VPS39: variants seen among roughly 807,000 people sequenced by gnomAD.
VPS39 encodes the protein VPS39 subunit of HOPS complex.
In VPS39, 70 loss-of-function variants were observed where a neutral mutation model predicts 121.0. That is an observed-to-expected ratio of 0.58 (90% CI 0.48 to 0.71). VPS39 has a LOEUF of 0.71. Ranked by LOEUF, VPS39 falls within the 30% of genes least tolerant of loss-of-function variation. The probability of loss-of-function intolerance (pLI) is 0.00; values close to 1 mark genes in which losing one functional copy is unlikely to be tolerated. For synonymous variants in VPS39, 378 were observed against 398.1 expected, an observed-to-expected ratio of 0.95 and a Z score of 0.60; for missense variants, 818 against 1,051.5, an observed-to-expected ratio of 0.78 and a Z score of 3.07.
rs2050116270 is a variant in VPS39, at chr15:42,203,830, T to A, written c.74-3869A>T. On this transcript the variant is annotated intron_variant, in intron 1 of 24. Transcript: ENST00000318006. ...ACACGTTATTTAACAAAGCTGTGCATGCACAACACAGAGGATGACAAGCCT... is the reference window on the plus strand; with the variant it reads ...ACACGTTATTTAACAAAGCTGTGCAAGCACAACACAGAGGATGACAAGCCT... Among the ~76,000 whole-genome samples the A allele has an allele frequency of 4.6e-5, 7 of 152,302 alleles. No individual in the cohort carries two copies. In the South Asian group the frequency reaches 1.5e-3, roughly 32 times the overall value.
At chr15:42,190,518 G>A (rs971304015) in intron 4 of VPS39, among the ~76,000 whole-genome samples, 7 of 152,268 alleles carry the variant, frequency 4.6e-5, no homozygotes, top group African/African-American at 1.2e-4. Flanking sequence ...CCTCAACAGT[G>A]TAGCCCTGCT....
At chr15:42,175,085 A>G (rs184769466) in intron 10 of VPS39, among the ~76,000 whole-genome samples, 1 of 152,220 alleles carries the variant, frequency 6.6e-6, no homozygotes, top group Admixed American at 6.5e-5. Context: ...AGGCTTTAAA[A>G]TGGCAGAGAG....
In VPS39 at chr15:42,169,766, T is replaced by C. The variant is rs752978362; in HGVS notation, c.1191A>G (p.Glu397=). Residue 397 remains glutamate (E), a synonymous_variant, in exon 12 of 25, where the codon GAA becomes GAG. Coordinates refer to ENST00000318006, the MANE Select transcript of VPS39 (RefSeq NM_015289.5). ...TCAGAGCTAAGTGAGCCTTCTCCAA[T>C]TCAGCCCCGGAGAGCACAGGCAATG... ...PNPLPVLSGA[E]LEKAHLALID... 5 of 1,614,124 alleles carry C rather than the reference T, an allele frequency of 3.1e-6. No homozygotes were observed. The highest frequency in any genetic ancestry group is 4.2e-6 in the Non-Finnish European group (5 of 1,180,024).
intron 2 of VPS39, among the ~76,000 whole-genome samples, chr15:42,197,602 T>C (rs886416076): frequency 1.3e-5 from 2 of 152,144 alleles, no homozygotes; most frequent in Non-Finnish European, 2.9e-5. Flanking sequence ...TGAGGAATGT[T>C]TATACTCATA....
At chr15:42,203,761 T>C (rs2050115248) in intron 1 of VPS39, among the ~76,000 whole-genome samples, 1 of 152,258 alleles carries the variant, frequency 6.6e-6, no homozygotes, top group African/African-American at 2.4e-5. Flanking sequence ...ACATGTGCCA[T>C]TAGCCAGAGG....
chr15:42,182,081 C>T (rs768528872), intron 8 of VPS39, among the ~76,000 whole-genome samples: 2 of 152,108 alleles, frequency 1.3e-5, no homozygotes, highest in Admixed American at 6.5e-5. Flanking sequence ...ATGAATAGTA[C>T]AATAAAATTT....
intron 2 of VPS39, among the ~76,000 whole-genome samples, chr15:42,195,300 C>T (rs1190055671): frequency 1.3e-5 from 2 of 152,138 alleles, no homozygotes; most frequent in Admixed American, 1.3e-4. Context: ...ATTAACTGGG[C>T]ATGATGGCAC....
At position 42,162,315 on chromosome 15, in the gene VPS39, T is replaced by C. The variant is rs2049145193; in HGVS notation, c.2325+17A>G. The C allele has an allele frequency of 6.2e-7, 1 of 1,603,770 alleles. No homozygotes were observed. The highest frequency in any genetic ancestry group is 1.3e-5 in the African/African-American group (1 of 74,850). ...TCCCTGCAAACACCCTCCATCTCCC[T>C]AGGAACAACTCCTGACCTTGGTGGT... On this transcript the variant is annotated intron_variant, in intron 22 of 24. Transcript: ENST00000318006.
Position 42,160,490 on chromosome 15 carries a change from C to T in VPS39, c.*264G>A. 1 of 472,720 alleles carries T rather than the reference C, an allele frequency of 2.1e-6. No individual in the cohort carries two copies. Among genetic ancestry groups the T allele is most frequent in the Non-Finnish European group, 3.9e-6 (1 of 258,992 alleles). The allele number at this position is 472,720 out of a possible 1,614,324, so 29.3% of individuals were successfully genotyped here. A position where few individuals can be genotyped will look rare whatever the true frequency, so the allele number is the denominator to read the frequency against. Reference sequence around the variant, plus strand: ...GCAAAGGCAAGATGGTGCACATCCTCCTGACCAAGCAGGTACTGAATTCTC... The same window carrying T: ...GCAAAGGCAAGATGGTGCACATCCTTCTGACCAAGCAGGTACTGAATTCTC... On this transcript the variant is annotated 3_prime_UTR_variant, in exon 25 of 25. Transcript: ENST00000318006.
At chr15:42,201,687 C>T (rs561253849) in intron 1 of VPS39, among the ~76,000 whole-genome samples, 1 of 152,268 alleles carries the variant, frequency 6.6e-6, no homozygotes, top group South Asian at 2.1e-4. Flanking sequence ...TTGGGAGGCA[C>T]TGGTCTAGGT....
intron 21 of VPS39, 118 bp from the exon 22 acceptor site, chr15:42,162,599 G>C (rs762646211): frequency 1.3e-5 from 16 of 1,187,946 alleles, no homozygotes; most frequent in Non-Finnish European, 1.8e-5. Context: ...CACTGAGCAT[G>C]TAAAACTGGT....
chr15:42,198,623 G>A (rs1380983143), intron 2 of VPS39, among the ~76,000 whole-genome samples: 1 of 152,162 alleles, frequency 6.6e-6, no homozygotes, highest in Non-Finnish European at 1.5e-5. Flanking sequence ...TTATAGGCAT[G>A]AGCCACTTCA....
At chr15:42,203,985 C>G (rs151063165) in intron 1 of VPS39, among the ~76,000 whole-genome samples, 6 of 152,370 alleles carry the variant, frequency 3.9e-5, no homozygotes, top group African/African-American at 1.4e-4. Flanking sequence ...CCCTAAAAAA[C>G]TCCTGACGGC....
chr15:42,164,296 G>T, intron 19 of VPS39, 62 bp downstream of exon 19: 1 of 1,596,678 alleles, frequency 6.3e-7, no homozygotes, highest in East Asian at 2.2e-5. Context: ...CAATTAAAGG[G>T]GTGGATTAGT....
At chr15:42,199,516 T>A in intron 2 of VPS39, 1 of 442,552 alleles carries the variant, frequency 2.3e-6, no homozygotes, top group Non-Finnish European at 4.6e-6. Flanking sequence ...AAATCGATGT[T>A]GCCTAATTTT....
In VPS39 at chr15:42,166,679, G is replaced by A. The variant is rs761759401; in HGVS notation, c.1520-30C>T. On this transcript the variant is annotated intron_variant, in intron 14 of 24. Coordinates refer to ENST00000318006, the MANE Select transcript of VPS39 (RefSeq NM_015289.5). ...CCACCAAGCCCAAGAACAAGGTCAT[G>A]AGCCTTTTCCCCACGGGAGATTTCC... 3.7e-5 allele frequency: 59 copies of A among 1,614,094 alleles called. 1 individual carries two copies. The highest frequency in any genetic ancestry group is 5.0e-5 in the Non-Finnish European group (59 of 1,180,038).
chr15:42,201,559 A>G (rs2050069862), intron 1 of VPS39, among the ~76,000 whole-genome samples: 2 of 152,240 alleles, frequency 1.3e-5, no homozygotes, highest in Non-Finnish European at 2.9e-5. Flanking sequence ...GTTAAAATAC[A>G]GAATGCTAGG....
chr15:42,190,987 C>T, intron 4 of VPS39, 138 bp downstream of exon 4: 2 of 899,500 alleles, frequency 2.2e-6, no homozygotes, highest in Non-Finnish European at 3.5e-6. Flanking sequence ...CCTTTATTAA[C>T]CATGTACCCT....
rs755621049 is a variant in VPS39 at position 42,161,569 on chromosome 15, C to T, written c.2552+113G>A. 1.5e-5 allele frequency: 16 copies of T among 1,095,454 alleles called. No individual in the cohort carries two copies. The African/African-American group carries it at 2.5e-4, about 17-fold the overall frequency. 67.9% of individuals were successfully genotyped at this position (1,095,454 alleles called of 1,614,324 possible). A position where few individuals can be genotyped will look rare whatever the true frequency, so the allele number is the denominator to read the frequency against. Reference sequence around the variant, plus strand: ...CAAGAACTAAAAGTTGTCAGGACAGCCAGCAGCCATGTTCTCCTTCTCTGT... The same window carrying T: ...CAAGAACTAAAAGTTGTCAGGACAGTCAGCAGCCATGTTCTCCTTCTCTGT... On this transcript the variant is annotated intron_variant, in intron 24 of 24. Coordinates refer to ENST00000318006, the MANE Select transcript of VPS39 (RefSeq NM_015289.5).
Sources: allele counts gnomAD v4.1 joint callset (sites outside exome capture counted in the v4.1 genomes callset), GRCh38; gene constraint gnomAD v4.1.1; transcripts MANE v1.5; gene names NCBI Gene and HGNC (gene_info 2026-07-23, HGNC 2026-07-21).